The following CTNND2 variants were observed in gnomAD, a reference collection of about 807,000 sequenced individuals.
The protein encoded by CTNND2 is catenin delta-2.
CTNND2 carries 22 observed loss-of-function variants against 144.4 expected under a neutral mutation model. The observed-to-expected ratio is 0.15, with a 90% CI of 0.11 to 0.22. The LOEUF is 0.22. Among genes scored for constraint, CTNND2 ranks in the 10% least tolerant of loss-of-function variants. The pLI is 1.00. For missense variants in CTNND2, 1,353 were observed against 1,618.8 expected, an observed-to-expected ratio of 0.84 and a Z score of 2.82; for synonymous variants, 751 against 695.6, an observed-to-expected ratio of 1.08 and a Z score of -1.25.
chr5:11,051,374 G>A (rs1400458945), intron 16 of CTNND2, among the ~76,000 whole-genome samples: 1 of 152,186 alleles, frequency 6.6e-6, no homozygotes, highest in Non-Finnish European at 1.5e-5. Context: ...ACAGCTCCCT[G>A]GTTAATTTTA....
intron 6 of CTNND2, among the ~76,000 whole-genome samples, chr5:11,390,437 G>A (rs1452690908): frequency 1.3e-5 from 2 of 152,122 alleles, no homozygotes; most frequent in Admixed American, 6.5e-5. Context: ...TGGGGATCTG[G>A]CAGTGCAAAC....
intron 16 of CTNND2, among the ~76,000 whole-genome samples, chr5:11,041,845 T>G (rs908556248): frequency 2.6e-5 from 4 of 152,186 alleles, no homozygotes; most frequent in African/African-American, 9.7e-5. Context: ...ATGTTATAAA[T>G]AGGGTTTCAC....
At chr5:11,553,801 A>G (rs1775981228) in intron 3 of CTNND2, among the ~76,000 whole-genome samples, 1 of 152,124 alleles carries the variant, frequency 6.6e-6, no homozygotes, top group Middle Eastern at 3.3e-3. Context: ...AATTCATTAG[A>G]GTTAGTTTTT....
chr5:11,789,038 A>G (rs1790999538), intron 1 of CTNND2, among the ~76,000 whole-genome samples: 1 of 152,220 alleles, frequency 6.6e-6, no homozygotes, highest in Non-Finnish European at 1.5e-5. Context: ...CACACCAGTT[A>G]GAATGGCGAT....
intron 1 of CTNND2, among the ~76,000 whole-genome samples, chr5:11,781,522 A>G (rs774382608): frequency 2.0e-5 from 3 of 152,202 alleles, no homozygotes; most frequent in Admixed American, 6.5e-5. Flanking sequence ...TTGCAATACA[A>G]TTTATAATTT....
chr5:11,177,926 T>C (rs973178312), intron 11 of CTNND2, among the ~76,000 whole-genome samples: 1 of 152,168 alleles, frequency 6.6e-6, no homozygotes, highest in Non-Finnish European at 1.5e-5. Flanking sequence ...TTAAATACTA[T>C]AGCAAGTTGT....
At position 11,147,282 on chromosome 5, in the gene CTNND2, T is replaced by C. The variant is rs1018183224; in HGVS notation, c.2159+12294A>G. ...AGCCCAGAATGCTTTGACAAGGCCA[T>C]AGAGAAGGCCGAATATATACGGAAT... On this transcript the variant is annotated intron_variant, in intron 12 of 21. Coordinates refer to ENST00000304623, the MANE Select transcript of CTNND2 (RefSeq NM_001332.4). Among the ~76,000 whole-genome samples, 33 of 152,238 alleles carry C rather than the reference T, an allele frequency of 2.2e-4. 2 individuals carry two copies. Among genetic ancestry groups the C allele is most frequent in the Admixed American group, 2.0e-3 (30 of 15,292 alleles).
At chr5:11,291,473 A>C (rs1287139755) in intron 9 of CTNND2, among the ~76,000 whole-genome samples, 1 of 152,028 alleles carries the variant, frequency 6.6e-6, no homozygotes, top group African/African-American at 2.4e-5. Flanking sequence ...AATGTCTGCC[A>C]CTTCCAATTC....
At chr5:11,303,989 G>C (rs111411029) in intron 9 of CTNND2, among the ~76,000 whole-genome samples, 3,147 of 152,166 alleles carry the variant, frequency 0.021, 44 homozygotes, top group South Asian at 0.036. Context: ...CCTTTCGCTT[G>C]GTTCTCATTC....
chr5:10,974,790 T>C (rs530393781), intron 21 of CTNND2, among the ~76,000 whole-genome samples: 2 of 152,348 alleles, frequency 1.3e-5, no homozygotes, highest in East Asian at 3.9e-4. Flanking sequence ...TAGAAATTGG[T>C]CTTAGTTAAT....
chr5:11,325,284 C>T (rs1752420107), intron 9 of CTNND2, among the ~76,000 whole-genome samples: 1 of 151,984 alleles, frequency 6.6e-6, no homozygotes, highest in South Asian at 2.1e-4. Context: ...TAAACCAACA[C>T]ACATATATAT....
At chr5:11,406,653 A>G (rs1400918142) in intron 5 of CTNND2, among the ~76,000 whole-genome samples, 1 of 152,190 alleles carries the variant, frequency 6.6e-6, no homozygotes, top group Non-Finnish European at 1.5e-5. Flanking sequence ...GTATATTCAC[A>G]GTAATCAAAA....
At chr5:11,128,757 TAAA>T (rs1754965186) in intron 12 of CTNND2, among the ~76,000 whole-genome samples, 1 of 36,982 alleles carries the variant, frequency 2.7e-5, no homozygotes, top group South Asian at 9.7e-4. Context: ...ATATTATATA[TAAA>T]TATATATATT....
intron 2 of CTNND2, among the ~76,000 whole-genome samples, chr5:11,632,717 T>C (rs1311625647): frequency 6.6e-6 from 1 of 152,108 alleles, no homozygotes; most frequent in Admixed American, 6.5e-5. Context: ...TTCCAAGAAC[T>C]AAAGGAAACC....
At chr5:11,485,260 A>T (rs1768686480) in intron 3 of CTNND2, among the ~76,000 whole-genome samples, 1 of 152,164 alleles carries the variant, frequency 6.6e-6, no homozygotes, top group Admixed American at 6.5e-5. Context: ...CATTTTATGC[A>T]ATCAGTAGAA....
At chr5:11,531,130 G>A (rs1428757824) in intron 3 of CTNND2, among the ~76,000 whole-genome samples, 2 of 152,198 alleles carry the variant, frequency 1.3e-5, no homozygotes, top group Admixed American at 6.5e-5. Flanking sequence ...TTTACAAAAG[G>A]TGTGGTCAGG....
At chr5:11,268,705 C>T (rs555951009) in intron 9 of CTNND2, among the ~76,000 whole-genome samples, 1 of 152,224 alleles carries the variant, frequency 6.6e-6, no homozygotes, top group Admixed American at 6.5e-5. Context: ...GTAATGAAGA[C>T]TCATTTATGC....
chr5:11,778,542 CAT>C (rs548770286), intron 1 of CTNND2, among the ~76,000 whole-genome samples: 10 of 152,148 alleles, frequency 6.6e-5, no homozygotes, highest in Non-Finnish European at 1.2e-4. Flanking sequence ...TCAATTGAAT[CAT>C]GTGGAAAACA....
chr5:11,075,416 A>G (rs1431903813), intron 16 of CTNND2, among the ~76,000 whole-genome samples: 5 of 152,228 alleles, frequency 3.3e-5, no homozygotes, highest in Admixed American at 2.6e-4. Context: ...CAGCCTCCCC[A>G]ATGTGGTGAA....
Sources: gnomAD v4.1 joint callset for allele counts (sites outside exome capture counted in the v4.1 genomes callset) on GRCh38, gnomAD v4.1.1 for gene constraint, MANE v1.5 for transcripts, NCBI Gene and HGNC (gene_info 2026-07-23, HGNC 2026-07-21) for gene names.